BCAS3: variants seen among roughly 807,000 people sequenced by gnomAD.
The protein encoded by BCAS3 is BCAS4/BCAS3 fusion.
BCAS3 carries 53 observed loss-of-function variants against 116.1 expected under a neutral mutation model. The ratio of observed to expected loss-of-function variants is 0.46; its 90% CI spans 0.37 to 0.57. The LOEUF is 0.57. Ranked by LOEUF, BCAS3 falls within the 20% of genes least tolerant of loss-of-function variation. The pLI, the probability that BCAS3 is intolerant of heterozygous loss-of-function variation, is 0.00. For synonymous variants in BCAS3, 391 were observed against 408.2 expected, an observed-to-expected ratio of 0.96 and a Z score of 0.51; for missense variants, 917 against 1,165.4, an observed-to-expected ratio of 0.79 and a Z score of 3.10.
intron 18 of BCAS3, among the ~76,000 whole-genome samples, chr17:61,039,639 T>G (rs1385040767): frequency 6.6e-6 from 1 of 152,164 alleles, no homozygotes; most frequent in Non-Finnish European, 1.5e-5. Context: ...GTCAGGATGG[T>G]CTTGATCTCC....
chr17:61,234,721 T>C (rs112487068), intron 22 of BCAS3, among the ~76,000 whole-genome samples: 70 of 151,558 alleles, frequency 4.6e-4, no homozygotes, highest in African/African-American at 1.6e-3. Context: ...CCAGGGCCTT[T>C]TCCAGCCAGC....
At chr17:60,796,043 G>A (rs375528109) in intron 6 of BCAS3, among the ~76,000 whole-genome samples, 14 of 152,246 alleles carry the variant, frequency 9.2e-5, no homozygotes, top group South Asian at 4.1e-4. Context: ...ATTGACTCAC[G>A]TATGTTAAAC....
chr17:61,197,078 G>A (rs527929143), intron 22 of BCAS3, among the ~76,000 whole-genome samples: 10 of 152,256 alleles, frequency 6.6e-5, no homozygotes, highest in East Asian at 5.8e-4. Flanking sequence ...AACAAATACC[G>A]TTTTCCTGGG....
At chr17:60,928,118 TA>T (rs1168721911) in intron 13 of BCAS3, among the ~76,000 whole-genome samples, 1 of 152,206 alleles carries the variant, frequency 6.6e-6, no homozygotes, top group African/African-American at 2.4e-5. Flanking sequence ...TAAGTCTTGT[TA>T]ATTCACTTAA....
At chr17:60,813,570 A>G (rs1050918803) in intron 7 of BCAS3, among the ~76,000 whole-genome samples, 1 of 152,236 alleles carries the variant, frequency 6.6e-6, no homozygotes, top group South Asian at 2.1e-4. Flanking sequence ...TTCACAAAAA[A>G]TATTCACTAC....
At chr17:61,310,890 T>C (rs1208115492) in intron 22 of BCAS3, among the ~76,000 whole-genome samples, 1 of 152,192 alleles carries the variant, frequency 6.6e-6, no homozygotes, top group Non-Finnish European at 1.5e-5. Flanking sequence ...TTCTATGACA[T>C]GAGTGGCTGT....
At chr17:60,903,164 G>T (rs912499899) in intron 11 of BCAS3, among the ~76,000 whole-genome samples, 1 of 152,030 alleles carries the variant, frequency 6.6e-6, no homozygotes, top group Non-Finnish European at 1.5e-5. Flanking sequence ...AGGTATTCTT[G>T]TAACCACTAT....
chr17:61,252,642 G>T (rs750268396), intron 22 of BCAS3, among the ~76,000 whole-genome samples: 1 of 151,966 alleles, frequency 6.6e-6, no homozygotes, highest in Non-Finnish European at 1.5e-5. Context: ...ATGGAACATG[G>T]TTCCTCATGT....
Position 61,276,324 on chromosome 17 carries a change from G to T in BCAS3, c.2426-92003G>T, listed in dbSNP as rs2050753442. Among the ~76,000 whole-genome samples the T allele has an allele frequency of 1.3e-5, 2 of 152,086 alleles. No homozygotes were observed. Among genetic ancestry groups the T allele is most frequent in the Non-Finnish European group, 2.9e-5 (2 of 68,032 alleles). ...GCCAAGATCATGCCATTGCACTCCAGCCTGGGCTACAGGACGAGACTCCAT... is the reference window on the plus strand; with the variant it reads ...GCCAAGATCATGCCATTGCACTCCATCCTGGGCTACAGGACGAGACTCCAT... On this transcript the variant is annotated intron_variant, in intron 22 of 23. Transcript: ENST00000407086. This position sits in a 1 kb window ranked among gnomAD's most constrained non-coding sequence, Gnocchi z 4.2.
chr17:60,997,350 G>T (rs911387444), intron 15 of BCAS3, among the ~76,000 whole-genome samples: 1 of 152,160 alleles, frequency 6.6e-6, no homozygotes, highest in Admixed American at 6.5e-5. Context: ...GTAAGTTCCT[G>T]GTCCCAGTGG....
At chr17:60,748,665 T>C (rs1333314541) in intron 6 of BCAS3, among the ~76,000 whole-genome samples, 2 of 152,330 alleles carry the variant, frequency 1.3e-5, no homozygotes, top group Non-Finnish European at 2.9e-5. Context: ...GAAGTTATTT[T>C]GTTTATGTGT....
intron 7 of BCAS3, among the ~76,000 whole-genome samples, chr17:60,854,949 G>GTTTTTTTTTTTTTTTTTTTTTTTTTT (rs1267985905): frequency 8.2e-6 from 1 of 121,932 alleles, no homozygotes; most frequent in African/African-American, 3.6e-5. Flanking sequence ...TTTCAGTGAG[G>GTTTTTTTTTTTTTTTTTTTTTTTTTT]TTTTTTTTTT....
chr17:61,012,783 T>G lies in BCAS3; in HGVS notation c.1487-2968T>G, dbSNP rs540733762. ...ATCCTGGTGAGACAGTGAAGCATTTTAAGTTGTGCCTAGCTAAACCACAGA... is the reference window on the plus strand; with the variant it reads ...ATCCTGGTGAGACAGTGAAGCATTTGAAGTTGTGCCTAGCTAAACCACAGA... On this transcript the variant is annotated intron_variant, in intron 15 of 23. Coordinates refer to ENST00000407086, the MANE Select transcript of BCAS3 (RefSeq NM_017679.5). The surrounding 1 kb of genome is among the most constrained non-coding windows in gnomAD (Gnocchi z 4.5). Among the ~76,000 whole-genome samples, 4 of 152,192 alleles carry G rather than the reference T, an allele frequency of 2.6e-5. No individual in the cohort carries two copies. In the East Asian group the frequency reaches 5.8e-4, roughly 22 times the overall value.
intron 22 of BCAS3, among the ~76,000 whole-genome samples, chr17:61,252,393 C>G (rs1348231970): frequency 2.0e-5 from 3 of 152,172 alleles, no homozygotes; most frequent in Admixed American, 6.5e-5. Flanking sequence ...TTCAGCCCCC[C>G]CAGTTCCAGC....
intron 22 of BCAS3, among the ~76,000 whole-genome samples, chr17:61,108,455 C>T (rs1413688776): frequency 1.3e-5 from 2 of 151,966 alleles, no homozygotes; most frequent in Admixed American, 6.6e-5. Flanking sequence ...CTTAAGTCTG[C>T]CATTTTATTT....
chr17:60,829,065 C>T (rs2050683344), intron 7 of BCAS3, among the ~76,000 whole-genome samples: 1 of 151,568 alleles, frequency 6.6e-6, no homozygotes, highest in East Asian at 1.9e-4. Context: ...TTGAGAAACC[C>T]TGATCCAAGA....
rs1233602297 is a variant in BCAS3, at chr17:61,136,271, C to T, written c.2425+51707C>T. Among the ~76,000 whole-genome samples the T allele has an allele frequency of 6.6e-6, 1 of 151,990 alleles. No individual in the cohort carries two copies. Among genetic ancestry groups the T allele is most frequent in the Non-Finnish European group, 1.5e-5 (1 of 68,040 alleles). On this transcript the variant is annotated intron_variant, in intron 22 of 23. Transcript: ENST00000407086. This position sits in a 1 kb window ranked among gnomAD's most constrained non-coding sequence, Gnocchi z 4.4. Reference sequence around the variant, plus strand: ...TAAGCATCCCCTCTTCTTCTCTGCACCTGGAGCATCTTGGACATAGCTTTG... The same window carrying T: ...TAAGCATCCCCTCTTCTTCTCTGCATCTGGAGCATCTTGGACATAGCTTTG...
chr17:60,785,086 G>A (rs187429329), intron 6 of BCAS3, among the ~76,000 whole-genome samples: 40 of 152,254 alleles, frequency 2.6e-4, no homozygotes, highest in Middle Eastern at 6.8e-3. Flanking sequence ...GCAACAGAGC[G>A]AGACTCCGTC....
intron 17 of BCAS3, among the ~76,000 whole-genome samples, chr17:61,036,934 G>T (rs1398236994): frequency 6.6e-6 from 1 of 152,106 alleles, no homozygotes; most frequent in Admixed American, 6.5e-5. Context: ...AGGAGCTTTA[G>T]GTTCACAGCC....
Sources: allele counts gnomAD v4.1 joint callset (sites outside exome capture counted in the v4.1 genomes callset), GRCh38; gene constraint gnomAD v4.1.1; non-coding constraint Gnocchi (gnomAD v3.1); transcripts MANE v1.5; gene names NCBI Gene and HGNC (gene_info 2026-07-23, HGNC 2026-07-21).